The following TTC6 variants were observed in gnomAD, a reference collection of about 807,000 sequenced individuals.
TTC6 encodes the protein tetratricopeptide repeat domain 6, also known as tetratricopeptide repeat protein 6.
Under a neutral mutation model 210.4 loss-of-function variants are expected in TTC6, and 172 were observed. The ratio of observed to expected loss-of-function variants is 0.82; its 90% CI spans 0.72 to 0.93. TTC6 has a LOEUF of 0.93. Among genes scored for constraint, TTC6 ranks in the 40% least tolerant of loss-of-function variants. The pLI is 0.00. For missense variants in TTC6, 2,414 were observed against 2,318.1 expected, an observed-to-expected ratio of 1.04 and a Z score of -0.85; for synonymous variants, 804 against 819.6, an observed-to-expected ratio of 0.98 and a Z score of 0.32.
chr14:37,691,832 T>A (rs2095804114), intron 3 of TTC6, among the ~76,000 whole-genome samples: 1 of 151,834 alleles, frequency 6.6e-6, no homozygotes, highest in Non-Finnish European at 1.5e-5. Context: ...TCCAAACAAA[T>A]AAACTCAGAG....
At chr14:37,807,157 T>G (rs2096120065) in intron 22 of TTC6, among the ~76,000 whole-genome samples, 163 bp from the exon 25 acceptor site, 1 of 152,204 alleles carries the variant, frequency 6.6e-6, no homozygotes, top group African/African-American at 2.4e-5. Context: ...AATTATTCTG[T>G]GTCCTTTGAA....
intron 12 of TTC6, 92 bp from the exon 15 acceptor site, chr14:37,750,961 C>T (rs1316966754): frequency 2.9e-6 from 2 of 687,268 alleles, no homozygotes; most frequent in East Asian, 5.9e-5. Flanking sequence ...ATTATTTTGA[C>T]TACATTTGTG....
chr14:37,601,127 C>G (rs1566831284), intron 1 of TTC6, among the ~76,000 whole-genome samples: 1 of 152,188 alleles, frequency 6.6e-6, no homozygotes, highest in Non-Finnish European at 1.5e-5. Flanking sequence ...CCACTGGACA[C>G]TACCTGTGGT....
chr14:37,622,796 G>A (rs2095653841), exon 1 of TTC6: 16 of 1,534,570 alleles, frequency 1.0e-5, no homozygotes, highest in Non-Finnish European at 1.4e-5. Flanking sequence ...AAGCGGCGGG[G>A]TTAGGAGCCC....
At chr14:37,806,484 A>C (rs1483553379) in exon 22 of TTC6, 1 of 1,534,434 alleles carries the variant, frequency 6.5e-7, no homozygotes, top group East Asian at 2.5e-5. Flanking sequence ...TAATCGTGCA[A>C]TTACCCTCAA....
chr14:37,649,024 G>C (rs1360549016), intron 1 of TTC6, among the ~76,000 whole-genome samples: 1 of 152,032 alleles, frequency 6.6e-6, no homozygotes, highest in Non-Finnish European at 1.5e-5. Flanking sequence ...GATATATAGA[G>C]TTTCTTAAGA....
intron 3 of TTC6, among the ~76,000 whole-genome samples, chr14:37,684,336 C>G (rs190069846): frequency 6.6e-6 from 1 of 152,078 alleles, no homozygotes; most frequent in African/African-American, 2.4e-5. Context: ...CCATGAATAA[C>G]AGGTAATAAG....
At chr14:37,727,398 A>C (rs1241768180) in intron 7 of TTC6, among the ~76,000 whole-genome samples, 1 of 149,152 alleles carries the variant, frequency 6.7e-6, no homozygotes, top group African/African-American at 2.5e-5. Flanking sequence ...GGTTCAAGCA[A>C]TTCCCCTGCC....
intron 23 of TTC6, 42 bp downstream of exon 25, chr14:37,807,502 G>A: frequency 4.9e-6 from 7 of 1,429,166 alleles, no homozygotes; most frequent in Non-Finnish European, 5.6e-6. Context: ...TTTTAGGGTG[G>A]GCAGATTCTC....
chr14:37,820,175 C>T (rs2096152122), intron 26 of TTC6, among the ~76,000 whole-genome samples: 1 of 152,166 alleles, frequency 6.6e-6, no homozygotes, highest in African/African-American at 2.4e-5. Flanking sequence ...TCTACAGTGG[C>T]ATCTGCTCAT....
At chr14:37,724,901 T>G (rs1310307232) in exon 7 of TTC6, 1 of 1,513,188 alleles carries the variant, frequency 6.6e-7, no homozygotes, top group Admixed American at 2.0e-5. Flanking sequence ...TTCAAAGATG[T>G]ATGCTTATCC....
chr14:37,656,268 A>T (rs1222847343), intron 1 of TTC6, among the ~76,000 whole-genome samples: 2 of 152,204 alleles, frequency 1.3e-5, no homozygotes, highest in Non-Finnish European at 2.9e-5. Flanking sequence ...TACAGACATA[A>T]GTATAGAGCT....
intron 14 of TTC6, among the ~76,000 whole-genome samples, chr14:37,769,381 C>T (rs983892652): frequency 6.6e-6 from 1 of 151,698 alleles, no homozygotes; most frequent in African/African-American, 2.4e-5. Context: ...GGAATGGTAC[C>T]AGTTCCTCCT....
At chr14:37,787,024 G>GT (rs1276803374) in intron 14 of TTC6, among the ~76,000 whole-genome samples, 1 of 152,082 alleles carries the variant, frequency 6.6e-6, no homozygotes, top group Non-Finnish European at 1.5e-5. Context: ...GTATTTGGAT[G>GT]TATCTTCAAG....
intron 4 of TTC6, among the ~76,000 whole-genome samples, 177 bp from the exon 7 acceptor site, chr14:37,701,155 A>T (rs2095824522): frequency 6.6e-6 from 1 of 152,344 alleles, no homozygotes; most frequent in East Asian, 1.9e-4. Flanking sequence ...AAAGCTCTGG[A>T]CAATGGCCTG....
At chr14:37,811,613 TAC>T (rs1240678516) in intron 24 of TTC6, among the ~76,000 whole-genome samples, 1 of 152,138 alleles carries the variant, frequency 6.6e-6, no homozygotes, top group African/African-American at 2.4e-5. Flanking sequence ...TAGTACCTGG[TAC>T]AGAGTAGAAA....
intron 1 of TTC6, among the ~76,000 whole-genome samples, chr14:37,649,747 C>T (rs1239430315): frequency 6.6e-6 from 1 of 152,144 alleles, no homozygotes; most frequent in African/African-American, 2.4e-5. Flanking sequence ...TCTTTAGCCT[C>T]TTCATTTGAC....
At chr14:37,711,398 T>C (rs1189340406) in intron 5 of TTC6, among the ~76,000 whole-genome samples, 1 of 152,120 alleles carries the variant, frequency 6.6e-6, no homozygotes, top group Non-Finnish European at 1.5e-5. Flanking sequence ...GAGTCAGACA[T>C]GAATCTGGGC....
intron 3 of TTC6, among the ~76,000 whole-genome samples, chr14:37,696,373 C>T (rs1403890445): frequency 6.6e-6 from 1 of 151,838 alleles, no homozygotes; most frequent in Non-Finnish European, 1.5e-5. Context: ...TGGTTGTAAC[C>T]AGCAGTCATG....
Sources: gnomAD v4.1 joint callset for allele counts (sites outside exome capture counted in the v4.1 genomes callset) on GRCh38, gnomAD v4.1.1 for gene constraint, MANE v1.5 for transcripts, NCBI Gene and HGNC (gene_info 2026-07-23, HGNC 2026-07-21) for gene names.